WBP1L: variants seen among roughly 807,000 people sequenced by gnomAD.
The protein encoded by WBP1L is WW domain binding protein 1-like.
WBP1L carries 17 observed loss-of-function variants against 33.7 expected under a neutral mutation model. That is an observed-to-expected ratio of 0.50 (90% CI 0.34 to 0.76). The LOEUF (loss-of-function observed/expected upper bound fraction) is 0.76. Ranked by LOEUF, WBP1L falls within the 30% of genes least tolerant of loss-of-function variation. WBP1L has a pLI of 0.01. For missense variants in WBP1L, 389 were observed against 469.4 expected, an observed-to-expected ratio of 0.83 and a Z score of 1.58; for synonymous variants, 173 against 190.8, an observed-to-expected ratio of 0.91 and a Z score of 0.77.
intron 1 of WBP1L, chr10:102,746,227 G>T (rs988163970): frequency 1.1e-6 from 1 of 921,272 alleles, no homozygotes; most frequent in Non-Finnish European, 1.3e-6. Context: ...ATTGCAGTTT[G>T]CAAACCACAG....
At position 102,815,963 on chromosome 10, in the gene WBP1L, AG is replaced by A. The variant is rs1463294324; in HGVS notation, c.*2634del. 6.5e-6 allele frequency: 1 copy of A among 152,764 alleles called. No homozygotes were observed. The highest frequency in any genetic ancestry group is 1.9e-4 in the East Asian group (1 of 5,186). 9.5% of individuals were successfully genotyped at this position (152,764 alleles called of 1,614,324 possible). Reference sequence around the variant, plus strand: ...AGAGAGAGATTTAATAGGGAGCTGAAGGAATCGTTAGGGGGCCAGGGAGATG... The same window carrying A: ...AGAGAGAGATTTAATAGGGAGCTGAAGAATCGTTAGGGGGCCAGGGAGATG... On this transcript the variant is annotated 3_prime_UTR_variant, in exon 4 of 4. Transcript: ENST00000448841.
intron 1 of WBP1L, among the ~76,000 whole-genome samples, chr10:102,757,391 G>A (rs1391736707): frequency 3.9e-5 from 6 of 152,150 alleles, no homozygotes; most frequent in Non-Finnish European, 5.9e-5. Flanking sequence ...CCGCCAAGGC[G>A]GATGGGCACT....
chr10:102,801,835 C>G (rs1452619186), intron 2 of WBP1L, among the ~76,000 whole-genome samples: 1 of 151,774 alleles, frequency 6.6e-6, no homozygotes, highest in Non-Finnish European at 1.5e-5. Context: ...TATTCTCTCT[C>G]TTTTTTTCTT....
chr10:102,779,080 T>G (rs1342066706), intron 1 of WBP1L, among the ~76,000 whole-genome samples: 1 of 151,978 alleles, frequency 6.6e-6, no homozygotes, highest in Non-Finnish European at 1.5e-5. Flanking sequence ...TGCGGCTCAA[T>G]GTCTGAGAGT....
In WBP1L at chr10:102,786,961, C is replaced by G. The variant is rs151309499; in HGVS notation, c.91-11032C>G. ...GCCCAGGGAGCTGGAGTCCAGAGCC[C>G]TTAAGGAGTAAACCACACTATCAGA... On this transcript the variant is annotated intron_variant, in intron 1 of 3. Coordinates refer to ENST00000448841, the MANE Select transcript of WBP1L (RefSeq NM_001083913.2). 7.9e-3 allele frequency among the ~76,000 whole-genome samples: 1,204 copies of G among 152,324 alleles called. 6 individuals carry two copies. The highest frequency in any genetic ancestry group is 0.012 in the Non-Finnish European group (821 of 68,014).
chr10:102,755,236 C>A (rs879320562), intron 1 of WBP1L, among the ~76,000 whole-genome samples: 2 of 150,948 alleles, frequency 1.3e-5, no homozygotes, highest in East Asian at 2.0e-4. Context: ...TGTGAGCCAC[C>A]GCACCTGGCC....
intron 1 of WBP1L, among the ~76,000 whole-genome samples, chr10:102,794,463 A>G (rs1843545763): frequency 6.6e-6 from 1 of 151,766 alleles, no homozygotes; most frequent in South Asian, 2.1e-4. Context: ...TGGGCAACAG[A>G]GTGAGACTCC....
At position 102,813,553 on chromosome 10, in the gene WBP1L, T is replaced by G. The variant is rs1843881882; in HGVS notation, c.*222T>G. 1 of 620,524 alleles carries G rather than the reference T, an allele frequency of 1.6e-6. No homozygotes were observed. The highest frequency in any genetic ancestry group is 1.8e-5 in the African/African-American group (1 of 54,280). The allele number at this position is 620,524 out of a possible 1,614,324, so 38.4% of individuals were successfully genotyped here. A position where few individuals can be genotyped will look rare whatever the true frequency, so the allele number is the denominator to read the frequency against. On this transcript the variant is annotated 3_prime_UTR_variant, in exon 4 of 4. Coordinates refer to ENST00000448841, the MANE Select transcript of WBP1L (RefSeq NM_001083913.2). ...GGGCACAGTGTTGTGGAGGGCTAAG[T>G]TGGTTCTGTGACTCATTCCTCATAC...
chr10:102,759,679 G>A (rs1220191233), intron 1 of WBP1L, among the ~76,000 whole-genome samples: 1 of 152,106 alleles, frequency 6.6e-6, no homozygotes, highest in African/African-American at 2.4e-5. Flanking sequence ...TGTAGAGATG[G>A]GGGTCTTACT....
At chr10:102,788,353 G>A (rs752917268) in intron 1 of WBP1L, among the ~76,000 whole-genome samples, 4 of 151,700 alleles carry the variant, frequency 2.6e-5, no homozygotes, top group Non-Finnish European at 5.9e-5. Flanking sequence ...CTCATGATCC[G>A]CCTGTTTCGG....
chr10:102,798,197 G>A, intron 2 of WBP1L, 102 bp downstream of exon 2: 5 of 978,182 alleles, frequency 5.1e-6, no homozygotes, highest in Non-Finnish European at 6.4e-6. Context: ...TTCTCTTGGG[G>A]ACAGTGTTGG....
intron 1 of WBP1L, among the ~76,000 whole-genome samples, chr10:102,785,750 C>T (rs1843406603): frequency 6.6e-6 from 1 of 152,250 alleles, no homozygotes; most frequent in Non-Finnish European, 1.5e-5. Context: ...TTTCAGCCCT[C>T]AGCTCTCTGC....
At position 102,806,667 on chromosome 10, in the gene WBP1L, CCT is replaced by C. The variant is rs78470141; in HGVS notation, c.194-3223_194-3222del. ...GCTGATGGGTAACAGGGAAAAAAAT[CCT>C]CTGTCTGTTCTCTTGCTGCAAGGCT... On this transcript the variant is annotated intron_variant, in intron 2 of 3. Transcript: ENST00000448841. 3.1e-3 allele frequency among the ~76,000 whole-genome samples: 475 copies of C among 152,272 alleles called. 4 individuals are homozygous for C. The highest frequency in any genetic ancestry group is 4.3e-3 in the Non-Finnish European group (291 of 68,026).
intron 1 of WBP1L, among the ~76,000 whole-genome samples, chr10:102,774,604 C>T (rs1303468817): frequency 6.6e-6 from 1 of 152,150 alleles, no homozygotes; most frequent in Non-Finnish European, 1.5e-5. Flanking sequence ...TTTGGCACCT[C>T]ACTGTGCTGT....
intron 1 of WBP1L, among the ~76,000 whole-genome samples, chr10:102,766,389 T>C (rs10883774): frequency 1 from 146,759 of 146,802 alleles, 73,358 homozygotes; most frequent in Middle Eastern, 1. Context: ...TGCAGTTAGC[T>C]GAGATCGCAC....
rs180771793 is a variant in WBP1L at position 102,744,068 on chromosome 10, G to T, written c.15G>T (p.Arg5Ser). MERRRLLGGMALLLL... is the reference protein window; with the variant it reads MERRSLLGGMALLLL... ...GCAGGAGGGGGATGGAGAGGAGAAG[G>T]CTCCTGGGTGGCATGGCGCTCCTGC... Residue 5 changes from arginine (R) to serine (S), a missense_variant, in exon 1 of 4, where the codon AGG becomes AGT. By Grantham distance (110) the Arg-to-Ser change is moderately radical. Transcript: ENST00000448841. 5.2e-6 allele frequency: 8 copies of T among 1,551,536 alleles called. No individual in the cohort carries two copies. The African/African-American group carries it at 8.2e-5, about 16-fold the overall frequency.
At chr10:102,758,095 G>A (rs1842999580) in intron 1 of WBP1L, among the ~76,000 whole-genome samples, 1 of 142,392 alleles carries the variant, frequency 7.0e-6, no homozygotes. Flanking sequence ...ATGTTGGCCA[G>A]ACTGGTCTCG....
Position 102,814,300 on chromosome 10 carries a change from TG to T in WBP1L, c.*971del, listed in dbSNP as rs1843896048. 6.6e-6 allele frequency: 1 copy of T among 152,450 alleles called. No individual in the cohort carries two copies. Among genetic ancestry groups the T allele is most frequent in the Non-Finnish European group, 1.5e-5 (1 of 68,064 alleles). 9.4% of individuals were successfully genotyped at this position (152,450 alleles called of 1,614,324 possible). On this transcript the variant is annotated 3_prime_UTR_variant, in exon 4 of 4. Transcript: ENST00000448841. ...TGCAGCTCTCTGCCTCTCTGCCCTT[TG>T]GTCTGTGTTCACAGGTGACCCGTGT...
intron 2 of WBP1L, among the ~76,000 whole-genome samples, chr10:102,799,469 A>G (rs756878526): frequency 2.3e-4 from 35 of 152,192 alleles, no homozygotes; most frequent in Non-Finnish European, 4.0e-4. Context: ...GGTTGCTTCA[A>G]CTGACACTCT....
Sources: allele counts gnomAD v4.1 joint callset (sites outside exome capture counted in the v4.1 genomes callset), GRCh38; gene constraint gnomAD v4.1.1; transcripts MANE v1.5; gene names NCBI Gene and HGNC (gene_info 2026-07-23, HGNC 2026-07-21).